HECW2: variants seen among roughly 807,000 people sequenced by gnomAD.
HECW2 encodes E3 ubiquitin-protein ligase HECW2.
HECW2 carries 61 observed loss-of-function variants against 175.2 expected under a neutral mutation model. The observed-to-expected ratio is 0.35, with a 90% CI of 0.28 to 0.43. HECW2 has a LOEUF of 0.43. HECW2 is among the 20% of genes least tolerant of loss of function. The pLI is 1.00. For synonymous variants in HECW2, 671 were observed against 731.0 expected (o/e 0.92, Z 1.32); for missense variants, 1,524 against 2,000.5 (o/e 0.76, Z 4.54).
intron 1 of HECW2, among the ~76,000 whole-genome samples, chr2:196,515,874 AAC>A (rs1304436336): frequency 6.6e-6 from 1 of 152,006 alleles, no homozygotes; most frequent in Admixed American, 6.6e-5. Context: ...CTGTAATCCC[AAC>A]ACTTTGGGAG....
At chr2:196,342,519 T>C (rs1424370295) in intron 3 of HECW2, among the ~76,000 whole-genome samples, 1 of 141,648 alleles carries the variant, frequency 7.1e-6, no homozygotes, top group Non-Finnish European at 1.5e-5. Flanking sequence ...TCCACAAAAA[T>C]GTACTGAGTA....
At chr2:196,593,327 C>CGCGGCCCCGA (rs1191435791) in intron 1 of HECW2, among the ~76,000 whole-genome samples, 181 bp downstream of exon 1, 2 of 150,670 alleles carry the variant, frequency 1.3e-5, no homozygotes, top group African/African-American at 4.9e-5. Flanking sequence ...CCGAGCGCGG[C>CGCGGCCCCGA]GCGGCCCCGA....
chr2:196,450,565 C>A (rs2125306627), intron 1 of HECW2, among the ~76,000 whole-genome samples: 1 of 149,006 alleles, frequency 6.7e-6, no homozygotes, highest in Admixed American at 6.7e-5. Flanking sequence ...AATCTTGGCT[C>A]ACTGCAACCT....
intron 21 of HECW2, chr2:196,238,504 T>A (rs1179361824): frequency 6.6e-6 from 1 of 152,126 alleles, no homozygotes; most frequent in Non-Finnish European, 1.5e-5. Flanking sequence ...ATTACTGTTT[T>A]CATCTCTCAA....
Position 196,317,305 on chromosome 2 carries a change from C to A in HECW2, c.2403G>T (p.Arg801=). 1 of 1,613,452 alleles carries A rather than the reference C, an allele frequency of 6.2e-7. No individual in the cohort carries two copies. The change falls in exon 10 of 29, where the codon CGG becomes CGT. Residue 801 remains arginine (R), a synonymous_variant. Transcript: ENST00000644978. ...SLPSVRQDVS[R]YQRVDEALPP... Reference sequence around the variant, plus strand: ...GGAGAGCCTCGTCCACCCTCTGGTACCGGCTAACATCCTGGCGCACTGAAG... The same window carrying A: ...GGAGAGCCTCGTCCACCCTCTGGTAACGGCTAACATCCTGGCGCACTGAAG...
intron 21 of HECW2, 94 bp downstream of exon 21, chr2:196,240,355 G>T: frequency 2.3e-6 from 2 of 858,464 alleles, no homozygotes; most frequent in South Asian, 2.0e-5. Context: ...CTGGCAGAAG[G>T]ATTTCCTGTT....
chr2:196,303,250 C>A (rs571911489), intron 13 of HECW2, among the ~76,000 whole-genome samples: 2 of 152,300 alleles, frequency 1.3e-5, no homozygotes, highest in South Asian at 4.1e-4. Flanking sequence ...AACCCTGCAT[C>A]CTGGGGATAA....
At chr2:196,539,678 C>G (rs750735461) in intron 1 of HECW2, among the ~76,000 whole-genome samples, 1 of 152,042 alleles carries the variant, frequency 6.6e-6, no homozygotes, top group Non-Finnish European at 1.5e-5. Context: ...TTTACGTGTA[C>G]GAGTAATCTC....
At chr2:196,308,805 C>A (rs1326626625) in intron 10 of HECW2, among the ~76,000 whole-genome samples, 2 of 152,202 alleles carry the variant, frequency 1.3e-5, no homozygotes, top group East Asian at 1.9e-4. Flanking sequence ...AGACACCCCA[C>A]CTTTGTGACT....
intron 2 of HECW2, among the ~76,000 whole-genome samples, chr2:196,380,497 T>C (rs1694178356): frequency 6.6e-6 from 1 of 152,200 alleles, no homozygotes; most frequent in South Asian, 2.1e-4. Flanking sequence ...GTGCCCCAAG[T>C]GGTATTGCCA....
intron 21 of HECW2, among the ~76,000 whole-genome samples, chr2:196,229,928 A>C (rs1240129317): frequency 1.3e-5 from 2 of 152,214 alleles, no homozygotes; most frequent in Admixed American, 1.3e-4. Flanking sequence ...ATGAATATTA[A>C]AATAAAAAAG....
intron 2 of HECW2, among the ~76,000 whole-genome samples, chr2:196,384,967 A>C (rs1457990608): frequency 6.6e-6 from 1 of 151,674 alleles, no homozygotes; most frequent in African/African-American, 2.4e-5. Flanking sequence ...CTCAGGCTGG[A>C]GGGCAGTGGC....
Position 196,309,491 on chromosome 2 carries a change from T to G in HECW2, c.2435-1406A>C, listed in dbSNP as rs531642531. 9.8e-5 allele frequency among the ~76,000 whole-genome samples: 15 copies of G among 152,366 alleles called. No homozygotes were observed. The South Asian group carries it at 3.1e-3, about 32-fold the overall frequency. ...AGACCTCACGCCCAGCCTGTTGATATGCTCACAAATAGCAAGTACATTAAA... is the reference window on the plus strand; with the variant it reads ...AGACCTCACGCCCAGCCTGTTGATAGGCTCACAAATAGCAAGTACATTAAA... On this transcript the variant is annotated intron_variant, in intron 10 of 28. Transcript: ENST00000644978.
At chr2:196,554,034 G>A (rs1244240650) in intron 1 of HECW2, among the ~76,000 whole-genome samples, 1 of 152,184 alleles carries the variant, frequency 6.6e-6, no homozygotes, top group Non-Finnish European at 1.5e-5. Flanking sequence ...AGGGCTGGAG[G>A]GCTTCTCTTA....
intron 2 of HECW2, chr2:196,361,710 CT>C (rs1258863654): frequency 3.8e-6 from 3 of 795,954 alleles, no homozygotes; most frequent in Non-Finnish European, 4.6e-6. Flanking sequence ...CTTTTAAGAG[CT>C]TTTCAAAGTG....
At chr2:196,426,126 C>A (rs1695540468) in intron 2 of HECW2, among the ~76,000 whole-genome samples, 1 of 152,094 alleles carries the variant, frequency 6.6e-6, no homozygotes, top group African/African-American at 2.4e-5. Flanking sequence ...ATGATAAAGT[C>A]TTTTTAAGTT....
chr2:196,396,902 G>A (rs1043673663), intron 2 of HECW2, among the ~76,000 whole-genome samples: 5 of 151,940 alleles, frequency 3.3e-5, no homozygotes, highest in Admixed American at 3.3e-4. Context: ...ACGAGGTCAG[G>A]AGATTGAGAC....
chr2:196,231,056 T>C (rs553753963), intron 21 of HECW2, among the ~76,000 whole-genome samples: 6 of 116,454 alleles, frequency 5.2e-5, no homozygotes, highest in African/African-American at 2.0e-4. Context: ...ATGGCGCCTC[T>C]GCACTCCAGC....
At chr2:196,334,749 A>G (rs143337558) in intron 3 of HECW2, among the ~76,000 whole-genome samples, 54 of 152,318 alleles carry the variant, frequency 3.5e-4, no homozygotes, top group African/African-American at 1.2e-3. Flanking sequence ...CCAAAACAAC[A>G]TGCCAAAATA....
Sources: allele counts gnomAD v4.1 joint callset (sites outside exome capture counted in the v4.1 genomes callset), GRCh38; gene constraint gnomAD v4.1.1; transcripts MANE v1.5; gene names NCBI Gene and HGNC (gene_info 2026-07-23, HGNC 2026-07-21).